SMYD3: variants seen among roughly 807,000 people sequenced by gnomAD.
SMYD3 encodes SET and MYND domain containing 3.
In SMYD3, 36 loss-of-function variants were observed where a neutral mutation model predicts 57.7. The ratio of observed to expected loss-of-function variants is 0.62; its 90% CI spans 0.48 to 0.82. The LOEUF is 0.82. SMYD3 is among the 40% of genes least tolerant of loss of function. SMYD3 has a pLI of 0.00. For missense variants in SMYD3, 515 were observed against 538.8 expected (o/e 0.96, Z 0.44); for synonymous variants, 211 against 195.0 (o/e 1.08, Z -0.68).
At chr1:246,214,424 T>C (rs1372602251) in intron 5 of SMYD3, among the ~76,000 whole-genome samples, 2 of 152,174 alleles carry the variant, frequency 1.3e-5, no homozygotes, top group African/African-American at 4.8e-5. Context: ...ATTAACTGTA[T>C]ATGAGGTAAA....
At chr1:246,387,406 C>T (rs886158527) in intron 1 of SMYD3, among the ~76,000 whole-genome samples, 10 of 152,308 alleles carry the variant, frequency 6.6e-5, no homozygotes, top group East Asian at 3.9e-4. Context: ...TGGCCCTCAA[C>T]GGCATTTAAA....
chr1:245,984,997 A>C (rs1018240040), intron 5 of SMYD3, among the ~76,000 whole-genome samples: 5 of 152,102 alleles, frequency 3.3e-5, no homozygotes, highest in Admixed American at 3.3e-4. Flanking sequence ...TTTCCAGGCC[A>C]ATGGATACTT....
chr1:246,085,675 C>G (rs530571181), intron 5 of SMYD3, among the ~76,000 whole-genome samples: 116 of 152,142 alleles, frequency 7.6e-4, no homozygotes, highest in Non-Finnish European at 1.6e-3. Context: ...ATCAAACCTA[C>G]TATGAAACAA....
chr1:246,325,370 A>T (rs1032018433), intron 5 of SMYD3, among the ~76,000 whole-genome samples: 2 of 151,960 alleles, frequency 1.3e-5, no homozygotes, highest in Non-Finnish European at 2.9e-5. Context: ...AAAAACATTA[A>T]CAAAACTTTC....
chr1:246,224,446 T>C (rs1445544452), intron 5 of SMYD3, among the ~76,000 whole-genome samples: 1 of 151,878 alleles, frequency 6.6e-6, no homozygotes, highest in Non-Finnish European at 1.5e-5. Flanking sequence ...AGTATAGCAA[T>C]ACATCAGAGA....
At chr1:246,134,446 CTAAATT>C (rs1483539375) in intron 5 of SMYD3, among the ~76,000 whole-genome samples, 4 of 151,946 alleles carry the variant, frequency 2.6e-5, no homozygotes, top group African/African-American at 7.2e-5. Flanking sequence ...ATTTTATACA[CTAAATT>C]TAAATTATAT....
chr1:245,965,360 T>C (rs531698930), intron 5 of SMYD3, among the ~76,000 whole-genome samples: 2 of 152,342 alleles, frequency 1.3e-5, no homozygotes, highest in South Asian at 4.1e-4. Context: ...AGTAAGTGTA[T>C]ATTGCAAACT....
chr1:246,006,181 TC>T (rs2059164548), intron 5 of SMYD3, among the ~76,000 whole-genome samples: 1 of 152,086 alleles, frequency 6.6e-6, no homozygotes, highest in Non-Finnish European at 1.5e-5. Context: ...TATGTCATGG[TC>T]CCCCAAAGCC....
At chr1:246,400,344 G>C (rs943720749) in intron 1 of SMYD3, among the ~76,000 whole-genome samples, 1 of 152,110 alleles carries the variant, frequency 6.6e-6, no homozygotes, top group African/African-American at 2.4e-5. Flanking sequence ...AATATTCTTC[G>C]CAGCTATACC....
intron 4 of SMYD3, among the ~76,000 whole-genome samples, chr1:246,329,229 T>C (rs1387566278): frequency 6.6e-6 from 1 of 152,198 alleles, no homozygotes; most frequent in Non-Finnish European, 1.5e-5. Flanking sequence ...CTGGGTCAAA[T>C]GGTATTTCTA....
rs12565239 is a variant in SMYD3, at chr1:246,071,123, A to G, written c.532-141186T>C. 2.5e-3 allele frequency among the ~76,000 whole-genome samples: 374 copies of G among 152,338 alleles called. 5 individuals carry two copies. The East Asian group carries it at 0.028, about 11-fold the overall frequency. ...ATAGAATGTCAAATACAGTAAATCC[A>G]TATGTAATAAACATAGATATCTAAG... On this transcript the variant is annotated intron_variant, in intron 5 of 11. Coordinates refer to ENST00000490107, the MANE Select transcript of SMYD3 (RefSeq NM_001167740.2).
intron 10 of SMYD3, among the ~76,000 whole-genome samples, chr1:245,848,588 G>T (rs997356678): frequency 6.6e-6 from 1 of 151,610 alleles, no homozygotes; most frequent in Non-Finnish European, 1.5e-5. Context: ...CTTTTTTTAT[G>T]TTTAGTAGAG....
Position 246,083,583 on chromosome 1 carries a change from C to T in SMYD3, c.532-153646G>A, listed in dbSNP as rs114767067. On this transcript the variant is annotated intron_variant, in intron 5 of 11. Transcript: ENST00000490107. ...TGTATCTTTCTTTTCTCAAGTCTCTCGTTCCACCCAACAAGAAACGCCCAC... is the reference window on the plus strand; with the variant it reads ...TGTATCTTTCTTTTCTCAAGTCTCTTGTTCCACCCAACAAGAAACGCCCAC... 1.8e-3 allele frequency among the ~76,000 whole-genome samples: 280 copies of T among 152,222 alleles called. 1 individual carries two copies. Among genetic ancestry groups the T allele is most frequent in the African/African-American group, 6.4e-3 (265 of 41,526 alleles).
chr1:246,469,521 G>A (rs1266042286), intron 1 of SMYD3, among the ~76,000 whole-genome samples: 1 of 152,122 alleles, frequency 6.6e-6, no homozygotes, highest in African/African-American at 2.4e-5. Flanking sequence ...ACAGAAGCCA[G>A]CTTGAAGGGG....
At chr1:245,770,985 T>C (rs1163702052) in intron 10 of SMYD3, among the ~76,000 whole-genome samples, 1 of 152,080 alleles carries the variant, frequency 6.6e-6, no homozygotes, top group African/African-American at 2.4e-5. Context: ...AGAGGTCTCA[T>C]ATGTGTCAAC....
chr1:246,473,381 A>G (rs2067986527), intron 1 of SMYD3, among the ~76,000 whole-genome samples: 1 of 152,230 alleles, frequency 6.6e-6, no homozygotes, highest in African/African-American at 2.4e-5. Context: ...TTCAAAAAAA[A>G]TGCCTTGATT....
intron 5 of SMYD3, among the ~76,000 whole-genome samples, chr1:246,043,591 C>T (rs2059914549): frequency 1.3e-5 from 2 of 152,230 alleles, no homozygotes; most frequent in African/African-American, 4.8e-5. Context: ...CGTTCTCCTG[C>T]AGGGCATAGG....
intron 5 of SMYD3, among the ~76,000 whole-genome samples, chr1:246,280,860 C>G (rs1343360353): frequency 1.3e-5 from 2 of 152,172 alleles, no homozygotes; most frequent in Non-Finnish European, 2.9e-5. Flanking sequence ...CAGGCTGCCA[C>G]CTCAAAAACA....
intron 5 of SMYD3, among the ~76,000 whole-genome samples, chr1:246,040,336 A>G (rs944375961): frequency 6.6e-6 from 1 of 152,240 alleles, no homozygotes; most frequent in Non-Finnish European, 1.5e-5. Flanking sequence ...CAGCTTATTC[A>G]GAAATTAAAT....
Sources: allele counts gnomAD v4.1 joint callset (sites outside exome capture counted in the v4.1 genomes callset), GRCh38; gene constraint gnomAD v4.1.1; transcripts MANE v1.5; gene names NCBI Gene and HGNC (gene_info 2026-07-23, HGNC 2026-07-21).